The following SLC16A7 variants were observed in gnomAD, a reference collection of about 807,000 sequenced individuals.
SLC16A7 encodes the protein monocarboxylate transporter 2.
A neutral mutation model predicts 34.9 loss-of-function variants in SLC16A7; 33 were observed. The ratio of observed to expected loss-of-function variants is 0.94; its 90% CI spans 0.72 to 1.26. SLC16A7 has a LOEUF of 1.26. SLC16A7 is among the 50% of genes most tolerant of loss of function. SLC16A7 has a pLI of 0.00. For missense variants in SLC16A7, 573 were observed against 578.1 expected, an observed-to-expected ratio of 0.99 and a Z score of 0.09; for synonymous variants, 201 against 206.6, an observed-to-expected ratio of 0.97 and a Z score of 0.23.
At chr12:59,712,323 T>C (rs1874321077) in intron 3 of SLC16A7, among the ~76,000 whole-genome samples, 2 of 152,220 alleles carry the variant, frequency 1.3e-5, no homozygotes, top group African/African-American at 4.8e-5. Context: ...ATAGGGTCAA[T>C]AATCATTTCT....
At chr12:59,629,369 A>G (rs1880077556) in intron 1 of SLC16A7, among the ~76,000 whole-genome samples, 1 of 151,912 alleles carries the variant, frequency 6.6e-6, no homozygotes, top group Admixed American at 6.6e-5. Flanking sequence ...TCCAGGAATC[A>G]TTCAATGTTT....
intron 3 of SLC16A7, among the ~76,000 whole-genome samples, chr12:59,760,156 T>C (rs958532275): frequency 9.9e-5 from 15 of 152,048 alleles, no homozygotes; most frequent in African/African-American, 3.4e-4. Context: ...CTTGAGACTT[T>C]TATGTAGAGT....
chr12:59,770,153 A>G (rs1191783722), intron 3 of SLC16A7, among the ~76,000 whole-genome samples: 1 of 152,160 alleles, frequency 6.6e-6, no homozygotes, highest in African/African-American at 2.4e-5. Flanking sequence ...TTATTTTAAT[A>G]ATTTTAATCA....
intron 1 of SLC16A7, among the ~76,000 whole-genome samples, chr12:59,603,687 T>C (rs1878797997): frequency 6.6e-6 from 1 of 152,196 alleles, no homozygotes; most frequent in Non-Finnish European, 1.5e-5. Flanking sequence ...AATTATTCAG[T>C]TTCTTAATAT....
At chr12:59,605,471 T>G (rs1878893465) in intron 1 of SLC16A7, among the ~76,000 whole-genome samples, 1 of 152,152 alleles carries the variant, frequency 6.6e-6, no homozygotes, top group South Asian at 2.1e-4. Context: ...GTCTGGAGAA[T>G]TCTCATAGAT....
At chr12:59,732,455 T>C (rs1203992203) in intron 3 of SLC16A7, among the ~76,000 whole-genome samples, 2 of 152,178 alleles carry the variant, frequency 1.3e-5, no homozygotes, top group Admixed American at 1.3e-4. Flanking sequence ...TAGTACTATG[T>C]CAGAAAACAT....
At chr12:59,628,362 G>A (rs949348810) in intron 1 of SLC16A7, among the ~76,000 whole-genome samples, 3 of 151,768 alleles carry the variant, frequency 2.0e-5, no homozygotes, top group African/African-American at 4.8e-5. Context: ...GGGCAATCAT[G>A]TACTAGCCTC....
At chr12:59,726,432 A>T (rs183416508) in intron 3 of SLC16A7, among the ~76,000 whole-genome samples, 2 of 152,236 alleles carry the variant, frequency 1.3e-5, no homozygotes, top group Admixed American at 1.3e-4. Context: ...TAGAAAAAAA[A>T]TGAAGGATAG....
At chr12:59,671,038 T>A (rs1281473337) in intron 2 of SLC16A7, among the ~76,000 whole-genome samples, 1 of 152,022 alleles carries the variant, frequency 6.6e-6, no homozygotes, top group African/African-American at 2.4e-5. Context: ...CAGCCTCTTG[T>A]GCAATTCATG....
rs1351681109 is a variant in SLC16A7 at position 59,764,927 on chromosome 12, G to A, written c.218-6292G>A. Among the ~76,000 whole-genome samples, 3 of 152,118 alleles carry A rather than the reference G, an allele frequency of 2.0e-5. No individual in the cohort carries two copies. The East Asian group carries it at 5.8e-4, about 29-fold the overall frequency. On this transcript the variant is annotated intron_variant, in intron 3 of 5. Transcript: ENST00000547379. Reference sequence around the variant, plus strand: ...CGCCACACTGTCTTCCACAATGGTTGAACTAGTTTACAGTCCCACCAACAG... The same window carrying A: ...CGCCACACTGTCTTCCACAATGGTTAAACTAGTTTACAGTCCCACCAACAG...
intron 3 of SLC16A7, chr12:59,769,116 ACTGAAGG>A (rs1881974453): frequency 6.6e-6 from 1 of 152,178 alleles, no homozygotes. Context: ...ACTGAAAATC[ACTGAAGG>A]CTGAGATGAT....
Position 59,704,870 on chromosome 12 carries a change from T to C in SLC16A7, c.69T>C (p.Val23=), listed in dbSNP as rs140269710. The C allele has an allele frequency of 5.0e-6, 8 of 1,613,846 alleles. No individual in the cohort carries two copies. Among genetic ancestry groups the C allele is most frequent in the African/African-American group, 1.3e-5 (1 of 74,920 alleles). ...ATGGAGGATGGGGTTGGATTGTGGTTGGAGCAGCTTTTATCTCCATTGGAT... is the reference window on the plus strand; with the variant it reads ...ATGGAGGATGGGGTTGGATTGTGGTCGGAGCAGCTTTTATCTCCATTGGAT... ...PPDGGWGWIV[V]GAAFISIGFS... Residue 23 remains valine (V), a synonymous_variant, in exon 3 of 6, where the codon GTT becomes GTC. Coordinates refer to ENST00000547379, the MANE Select transcript of SLC16A7 (RefSeq NM_001270623.2).
intron 3 of SLC16A7, among the ~76,000 whole-genome samples, chr12:59,747,584 T>G (rs1292259198): frequency 6.6e-6 from 1 of 152,200 alleles, no homozygotes; most frequent in Non-Finnish European, 1.5e-5. Context: ...GAGGAGCACA[T>G]AGGAGGCACC....
In SLC16A7 at chr12:59,654,239, GAGTTAAT is replaced by G. The variant is rs1274932462; in HGVS notation, c.-129-900_-129-894del. Among the ~76,000 whole-genome samples, 25 of 151,084 alleles carry G rather than the reference GAGTTAAT, an allele frequency of 1.7e-4. No homozygotes were observed. In the East Asian group the frequency reaches 3.5e-3, roughly 21 times the overall value. ...ATAGAACCTTGGAGCTTTAAGAGAA[GAGTTAAT>G]AGTTAATAGTTATTAATACTTAATA... On this transcript the variant is annotated intron_variant, in intron 1 of 5. Coordinates refer to ENST00000547379, the MANE Select transcript of SLC16A7 (RefSeq NM_001270623.2).
chr12:59,637,953 C>T (rs1343228399), intron 1 of SLC16A7, among the ~76,000 whole-genome samples: 1 of 152,108 alleles, frequency 6.6e-6, no homozygotes, highest in Non-Finnish European at 1.5e-5. Context: ...AGCAGGAAGG[C>T]CTTGTCCAGA....
chr12:59,703,286 G>C (rs987585261), intron 2 of SLC16A7, among the ~76,000 whole-genome samples: 1 of 151,874 alleles, frequency 6.6e-6, no homozygotes, highest in Non-Finnish European at 1.5e-5. Context: ...AATCAAAAGG[G>C]TTTGCCTTTT....
At chr12:59,648,374 T>A (rs1225542771) in intron 1 of SLC16A7, among the ~76,000 whole-genome samples, 1 of 152,174 alleles carries the variant, frequency 6.6e-6, no homozygotes, top group East Asian at 1.9e-4. Flanking sequence ...GACTTGAGAT[T>A]GTTAGTGATT....
intron 3 of SLC16A7, chr12:59,733,691 C>A (rs1290306008): frequency 2.2e-6 from 1 of 455,900 alleles, no homozygotes; most frequent in East Asian, 7.0e-5. Context: ...GGTTATGTTA[C>A]AACTGTTTCA....
chr12:59,650,424 A>C (rs1868322975), intron 1 of SLC16A7, among the ~76,000 whole-genome samples: 1 of 152,142 alleles, frequency 6.6e-6, no homozygotes, highest in African/African-American at 2.4e-5. Flanking sequence ...TATTGTGGAA[A>C]CAGTGAGCAA....
Sources: gnomAD v4.1 joint callset for allele counts (sites outside exome capture counted in the v4.1 genomes callset) on GRCh38, gnomAD v4.1.1 for gene constraint, MANE v1.5 for transcripts, NCBI Gene and HGNC (gene_info 2026-07-23, HGNC 2026-07-21) for gene names.